The following CHRDL1 variants were observed in gnomAD, a reference collection of about 807,000 sequenced individuals.
CHRDL1 encodes the protein chordin like 1, also known as chordin-like protein 1.
Under a neutral mutation model 40.9 loss-of-function variants are expected in CHRDL1, and 19 were observed. The ratio of observed to expected loss-of-function variants is 0.46; its 90% CI spans 0.32 to 0.68. The LOEUF (loss-of-function observed/expected upper bound fraction) is 0.68, where lower values mean the gene tolerates loss of function less well. Among genes scored for constraint, CHRDL1 ranks in the 30% least tolerant of loss-of-function variants. The pLI, the probability that CHRDL1 is intolerant of heterozygous loss-of-function variation, is 0.03. For missense variants in CHRDL1, 329 were observed against 352.1 expected, an observed-to-expected ratio of 0.93 and a Z score of 0.53; for synonymous variants, 136 against 123.4, an observed-to-expected ratio of 1.10 and a Z score of -0.68.
At chrX:110,786,872 T>C (rs1396122023) in intron 2 of CHRDL1, among the ~76,000 whole-genome samples, 1 of 112,228 alleles carries the variant, frequency 8.9e-6, no homozygotes, top group Non-Finnish European at 1.9e-5. Context: ...TTTTTATTCA[T>C]TTACTTGGAT....
intron 7 of CHRDL1, among the ~76,000 whole-genome samples, chrX:110,699,777 C>T (rs1009272627): frequency 2.7e-5 from 3 of 112,565 alleles, no homozygotes; most frequent in African/African-American, 9.7e-5. Context: ...CTTTTAACAA[C>T]TGCACAGTGT....
intron 4 of CHRDL1, among the ~76,000 whole-genome samples, chrX:110,739,865 T>C (rs1377857612): frequency 5.3e-5 from 6 of 112,456 alleles, no homozygotes; most frequent in Non-Finnish European, 1.1e-4. Context: ...CTAAAGTCAA[T>C]ATGCTTAGAA....
intron 10 of CHRDL1, 76 bp from the exon 11 acceptor site, chrX:110,679,501 G>A: frequency 1.5e-6 from 1 of 666,798 alleles, no homozygotes; most frequent in East Asian, 3.3e-5. Context: ...TTCTGCTCAG[G>A]CTCAGCATAT....
intron 10 of CHRDL1, among the ~76,000 whole-genome samples, chrX:110,680,717 C>A (rs1368500949): frequency 1.8e-5 from 2 of 112,124 alleles, no homozygotes; most frequent in Non-Finnish European, 1.9e-5. Flanking sequence ...CAGCTGAAAT[C>A]TCACTTATCC....
At chrX:110,709,080 A>C in intron 6 of CHRDL1, among the ~76,000 whole-genome samples, 1 of 112,506 alleles carries the variant, frequency 8.9e-6, no homozygotes, top group Non-Finnish European at 1.9e-5. Flanking sequence ...CTTTGGGCAA[A>C]TGAATTAACT....
intron 7 of CHRDL1, among the ~76,000 whole-genome samples, chrX:110,696,047 C>T (rs1278603891): frequency 9.0e-6 from 1 of 111,523 alleles, no homozygotes; most frequent in Non-Finnish European, 1.9e-5. Context: ...TCCACAAAGG[C>T]CATTATAGGT....
intron 7 of CHRDL1, among the ~76,000 whole-genome samples, chrX:110,699,755 A>T (rs2070472949): frequency 8.9e-6 from 1 of 112,442 alleles, no homozygotes; most frequent in Non-Finnish European, 1.9e-5. Context: ...CTACATTTAG[A>T]TGTACCGTAT....
intron 4 of CHRDL1, among the ~76,000 whole-genome samples, chrX:110,734,517 C>T (rs894155244): frequency 8.9e-6 from 1 of 111,824 alleles, no homozygotes; most frequent in Non-Finnish European, 1.9e-5. Flanking sequence ...AGGGTTCTAT[C>T]TCCAAGAGGA....
At chrX:110,719,740 C>A in intron 6 of CHRDL1, 95 bp downstream of exon 6, 1 of 424,475 alleles carries the variant, frequency 2.4e-6, no homozygotes, top group South Asian at 7.1e-5. Context: ...TAAAAATTAC[C>A]TTTCCCTAGG....
chrX:110,771,171 C>A (rs1404326900), intron 2 of CHRDL1, among the ~76,000 whole-genome samples: 3 of 109,930 alleles, frequency 2.7e-5, no homozygotes, highest in South Asian at 3.9e-4. Flanking sequence ...GATATCTAAC[C>A]TGAATAGTCC....
intron 9 of CHRDL1, among the ~76,000 whole-genome samples, chrX:110,687,435 T>C (rs2070047928): frequency 9.0e-6 from 1 of 111,729 alleles, no homozygotes; most frequent in African/African-American, 3.3e-5. Context: ...TGAGTACCAC[T>C]GGCCTGCAGG....
chrX:110,785,940 T>G (rs1213356479), intron 2 of CHRDL1, among the ~76,000 whole-genome samples: 1 of 112,471 alleles, frequency 8.9e-6, no homozygotes. Flanking sequence ...ATGCATTTCC[T>G]TACTGCTTAT....
At chrX:110,731,617 G>A (rs1427125106) in intron 4 of CHRDL1, among the ~76,000 whole-genome samples, 1 of 111,372 alleles carries the variant, frequency 9.0e-6, no homozygotes, top group African/African-American at 3.3e-5. Context: ...ATGAATGGAT[G>A]AACAAAATAT....
chrX:110,722,279 G>A (rs757809109), intron 4 of CHRDL1, among the ~76,000 whole-genome samples: 2 of 110,922 alleles, frequency 1.8e-5, no homozygotes, highest in Admixed American at 1.9e-4. Context: ...TTACAGGCGT[G>A]AGCCATGGCG....
chrX:110,768,383 G>T (rs886528437), intron 2 of CHRDL1, among the ~76,000 whole-genome samples: 1 of 111,616 alleles, frequency 9.0e-6, no homozygotes, highest in Non-Finnish European at 1.9e-5. Flanking sequence ...AACTTGATTG[G>T]ATTGAAGGAT....
chrX:110,715,557 T>C lies in CHRDL1; in HGVS notation c.541+4278A>G, dbSNP rs139366895. 6.6e-3 allele frequency among the ~76,000 whole-genome samples: 737 copies of C among 111,856 alleles called. 6 individuals are homozygous for C. The highest frequency in any genetic ancestry group is 0.023 in the African/African-American group (711 of 30,803). On this transcript the variant is annotated intron_variant, in intron 6 of 11. Transcript: ENST00000372042. ...CCAAGGTTTTGAGTGGTTAAATAGT[T>C]TGTCCAAGATAACAGCACTCGTAGG...
At chrX:110,779,622 T>C (rs1335895257) in intron 2 of CHRDL1, among the ~76,000 whole-genome samples, 1 of 111,501 alleles carries the variant, frequency 9.0e-6, no homozygotes, top group African/African-American at 3.2e-5. Context: ...AGTCTTGAAG[T>C]TGGGTAGTGA....
chrX:110,784,069 A>T (rs780880850), intron 2 of CHRDL1, among the ~76,000 whole-genome samples: 1 of 112,183 alleles, frequency 8.9e-6, no homozygotes, highest in East Asian at 2.8e-4. Context: ...CTTTTTAATT[A>T]TTTTTTTCTT....
intron 1 of CHRDL1, among the ~76,000 whole-genome samples, chrX:110,794,921 G>C (rs1417279293): frequency 6.2e-5 from 7 of 112,192 alleles, no homozygotes; most frequent in Non-Finnish European, 9.4e-5. Flanking sequence ...TTGTCCATCA[G>C]CTGAAATCCT....
Sources: gnomAD v4.1 joint callset for allele counts (sites outside exome capture counted in the v4.1 genomes callset) on GRCh38, gnomAD v4.1.1 for gene constraint, MANE v1.5 for transcripts, NCBI Gene and HGNC (gene_info 2026-07-23, HGNC 2026-07-21) for gene names.